Variants in BLNK observed in about 807,000 individuals in gnomAD.
BLNK encodes the protein B cell linker.
BLNK carries 29 observed loss-of-function variants against 73.5 expected under a neutral mutation model. That is an observed-to-expected ratio of 0.39 (90% CI 0.29 to 0.54). The LOEUF (loss-of-function observed/expected upper bound fraction) is 0.54, where lower values mean the gene tolerates loss of function less well. Among genes scored for constraint, BLNK ranks in the 20% least tolerant of loss-of-function variants. The probability of loss-of-function intolerance (pLI) is 0.61; values close to 1 mark genes in which losing one functional copy is unlikely to be tolerated. For synonymous variants in BLNK, 176 were observed against 200.8 expected, an observed-to-expected ratio of 0.88 and a Z score of 1.04; for missense variants, 460 against 562.8, an observed-to-expected ratio of 0.82 and a Z score of 1.85.
chr10:96,270,859 G>T (rs1339251601), intron 1 of BLNK, among the ~76,000 whole-genome samples: 1 of 152,192 alleles, frequency 6.6e-6, no homozygotes, highest in African/African-American at 2.4e-5. Context: ...TGGAAAGACA[G>T]ATCTAATCCC....
chr10:96,207,000 A>G lies in BLNK; in HGVS notation c.817+11T>C. On this transcript the variant is annotated intron_variant, in intron 11 of 16. Coordinates refer to ENST00000224337, the MANE Select transcript of BLNK (RefSeq NM_013314.4). ...GAGGACATGCTCATCCTTCAAAATAATAGATTTTACCTTCACAAACACTTG... is the reference window on the plus strand; with the variant it reads ...GAGGACATGCTCATCCTTCAAAATAGTAGATTTTACCTTCACAAACACTTG... 1 of 1,613,438 alleles carries G rather than the reference A, an allele frequency of 6.2e-7. No individual in the cohort carries two copies. The highest frequency in any genetic ancestry group is 2.2e-5 in the East Asian group (1 of 44,856).
chr10:96,237,924 G>C (rs1554905418), intron 3 of BLNK, among the ~76,000 whole-genome samples: 1 of 152,206 alleles, frequency 6.6e-6, no homozygotes, highest in Non-Finnish European at 1.5e-5. Context: ...GTGCTAATGA[G>C]AAGATTAAAT....
intron 8 of BLNK, among the ~76,000 whole-genome samples, chr10:96,214,161 C>T (rs950330490): frequency 7.2e-5 from 11 of 151,890 alleles, no homozygotes; most frequent in East Asian, 3.9e-4. Flanking sequence ...TGTGCACACG[C>T]GCATATGTGT....
intron 8 of BLNK, among the ~76,000 whole-genome samples, chr10:96,211,971 G>C (rs782774637): frequency 1.6e-4 from 25 of 152,176 alleles, no homozygotes; most frequent in South Asian, 4.1e-4. Context: ...TCATCCCAGG[G>C]GTTTTCCCTC....
intron 8 of BLNK, among the ~76,000 whole-genome samples, chr10:96,214,646 T>C (rs1462284715): frequency 2.0e-5 from 3 of 151,646 alleles, no homozygotes; most frequent in African/African-American, 7.3e-5. Context: ...GAGTTTAGAG[T>C]CCTGTGTGGG....
chr10:96,204,519 A>G lies in BLNK; in HGVS notation c.902+13T>C, dbSNP rs587704793. The G allele has an allele frequency of 1.2e-6, 2 of 1,613,332 alleles. No individual in the cohort carries two copies. Among genetic ancestry groups the G allele is most frequent in the South Asian group, 2.2e-5 (2 of 91,060 alleles). On this transcript the variant is annotated intron_variant, in intron 12 of 16. Transcript: ENST00000224337. ...ACAAGAGGAAACTGATCTTTAAAGG[A>G]AAGGATTCTTACTTCTGGGCAGGAG...
In BLNK at chr10:96,192,010, T is replaced by C. The variant is rs782660063; in HGVS notation, c.1334A>G (p.Asp445Gly). 3.7e-6 allele frequency: 6 copies of C among 1,613,726 alleles called. No individual in the cohort carries two copies. The highest frequency in any genetic ancestry group is 5.1e-6 in the Non-Finnish European group (6 of 1,179,820). ...AACTGCATACTTCAGTCTGGTGGAA[T>C]CTTTTGTGTTATTCTGACTGTCAAT... ...VLIDSQNNTKDSTRLKYAVKV... is the reference protein window; with the variant it reads ...VLIDSQNNTKGSTRLKYAVKV... Residue 445 changes from aspartate (D) to glycine (G), a missense_variant, in exon 17 of 17, where the codon GAT becomes GGT. Around this residue, in one of 3 missense-constraint regions of BLNK, gnomAD observed 88 missense variants for 143.4 expected, o/e 0.61. Transcript: ENST00000224337.
In BLNK at chr10:96,242,859, A is replaced by G. The variant is rs1842922134; in HGVS notation, c.114-75T>C. 33 of 1,180,376 alleles carry G rather than the reference A, an allele frequency of 2.8e-5. No individual in the cohort carries two copies. In the South Asian group the frequency reaches 3.8e-4, roughly 13 times the overall value. The allele number at this position is 1,180,376 out of a possible 1,614,324, so 73.1% of individuals were successfully genotyped here. A position where few individuals can be genotyped will look rare whatever the true frequency, so the allele number is the denominator to read the frequency against. ...GTCAAAGCCGATGCTAGAAGCTGAT[A>G]TAGACAGAATAGATAGACAACTAAT... On this transcript the variant is annotated intron_variant, in intron 2 of 16. Coordinates refer to ENST00000224337, the MANE Select transcript of BLNK (RefSeq NM_013314.4).
chr10:96,212,168 G>A (rs587682664), intron 8 of BLNK, among the ~76,000 whole-genome samples: 39 of 152,212 alleles, frequency 2.6e-4, no homozygotes, highest in African/African-American at 9.2e-4. Flanking sequence ...GTGGAACACT[G>A]TCACGGAGGA....
In BLNK at chr10:96,207,062, A is replaced by G. The variant is rs782298145; in HGVS notation, c.775-9T>C. The G allele has an allele frequency of 6.2e-7, 1 of 1,613,078 alleles. No individual in the cohort carries two copies. The highest frequency in any genetic ancestry group is 1.1e-5 in the South Asian group (1 of 91,026). ...TGAGAGGCAACTGGAGTCTATGTAA[A>G]AGAAAAAAAGGCAAGGTTATTCAAT... On this transcript the variant is annotated splice_polypyrimidine_tract_variant and intron_variant, in intron 10 of 16. Coordinates refer to ENST00000224337, the MANE Select transcript of BLNK (RefSeq NM_013314.4).
In BLNK at chr10:96,227,456, G is replaced by A. The variant is rs782804653; in HGVS notation, c.315C>T (p.Thr105=). The A allele has an allele frequency of 6.8e-6, 11 of 1,614,112 alleles. No homozygotes were observed. The highest frequency in any genetic ancestry group is 9.3e-6 in the Non-Finnish European group (11 of 1,180,058). The part of the protein sequence containing the change: ...SYEPPPVEQE[T]RPVHPALPFA... ...AGGGCAGGGCTGGGTGAACCGGCCTGGTTTCCTGCTCTACTGGAGGCGGCT... is the reference window on the plus strand; with the variant it reads ...AGGGCAGGGCTGGGTGAACCGGCCTAGTTTCCTGCTCTACTGGAGGCGGCT... Residue 105 remains threonine, a synonymous_variant, in exon 5 of 17, where the codon ACC becomes ACT. Transcript: ENST00000224337.
At chr10:96,203,859 C>T (rs1554896781) in intron 13 of BLNK, 198 bp downstream of exon 13, 5 of 426,488 alleles carry the variant, frequency 1.2e-5, no homozygotes, top group Non-Finnish European at 2.1e-5. Context: ...AAAATTGCCT[C>T]AAATATATTT....
intron 1 of BLNK, among the ~76,000 whole-genome samples, chr10:96,253,616 T>C (rs1368865926): frequency 1.3e-5 from 2 of 152,210 alleles, no homozygotes; most frequent in Admixed American, 6.5e-5. Flanking sequence ...CCCTAAACCA[T>C]ATCAATAGAA....
intron 7 of BLNK, 198 bp downstream of exon 7, chr10:96,216,455 G>C (rs1317134159): frequency 3.3e-6 from 2 of 611,866 alleles, no homozygotes; most frequent in Non-Finnish European, 5.9e-6. Flanking sequence ...GGGAAGGCAG[G>C]GAAGGGCTAT....
intron 16 of BLNK, among the ~76,000 whole-genome samples, chr10:96,193,392 T>C (rs782597846): frequency 1.3e-5 from 2 of 152,184 alleles, no homozygotes; most frequent in Non-Finnish European, 2.9e-5. Context: ...CTAGGAAGCA[T>C]AGGAGAGGAT....
chr10:96,259,288 G>C (rs1843643964), intron 1 of BLNK, among the ~76,000 whole-genome samples: 1 of 152,222 alleles, frequency 6.6e-6, no homozygotes, highest in African/African-American at 2.4e-5. Context: ...CATTTTGCTA[G>C]AGGGGAGCGT....
chr10:96,193,912 A>G (rs982189148), intron 16 of BLNK, among the ~76,000 whole-genome samples: 8 of 152,362 alleles, frequency 5.3e-5, no homozygotes, highest in African/African-American at 1.4e-4. Flanking sequence ...TGTTCAGTGT[A>G]TAGGGGACAT....
At chr10:96,194,329 G>A (rs1554894161) in intron 16 of BLNK, among the ~76,000 whole-genome samples, 1 of 152,152 alleles carries the variant, frequency 6.6e-6, no homozygotes, top group African/African-American at 2.4e-5. Flanking sequence ...TTAGATTCAA[G>A]AGTTTTGCAT....
chr10:96,249,061 C>T (rs897487521), intron 1 of BLNK, among the ~76,000 whole-genome samples: 3 of 152,160 alleles, frequency 2.0e-5, no homozygotes, highest in South Asian at 2.1e-4. Flanking sequence ...AAGAGTAGGA[C>T]GTTTTAATTC....
Sources: gnomAD v4.1 joint callset for allele counts (sites outside exome capture counted in the v4.1 genomes callset) on GRCh38, gnomAD v4.1.1 for gene constraint, gnomAD v4.1.1 regional missense constraint, MANE v1.5 for transcripts, NCBI Gene and HGNC (gene_info 2026-07-23, HGNC 2026-07-21) for gene names.